Variants in TACR3 observed in about 807,000 individuals in gnomAD.
TACR3 encodes neuromedin-K receptor.
A neutral mutation model predicts 35.0 loss-of-function variants in TACR3; 34 were observed. That is an observed-to-expected ratio of 0.97 (90% CI 0.74 to 1.30). The LOEUF is 1.30. TACR3 is among the 50% of genes most tolerant of loss of function. TACR3 has a pLI of 0.00. For missense variants in TACR3, 558 were observed against 591.7 expected, an observed-to-expected ratio of 0.94 and a Z score of 0.59; for synonymous variants, 233 against 221.1, an observed-to-expected ratio of 1.05 and a Z score of -0.48.
intron 1 of TACR3, among the ~76,000 whole-genome samples, chr4:103,688,679 C>A (rs1337592341): frequency 2.0e-5 from 3 of 151,160 alleles, no homozygotes; most frequent in East Asian, 3.9e-4. Context: ...CAGAGAAATG[C>A]AAATCAAAAC....
At chr4:103,683,277 C>T (rs1031964724) in intron 1 of TACR3, among the ~76,000 whole-genome samples, 10 of 151,364 alleles carry the variant, frequency 6.6e-5, no homozygotes, top group African/African-American at 2.4e-4. Context: ...AATAAGTAAT[C>T]TAAGTTTCCA....
chr4:103,681,849 T>C (rs894292810), intron 1 of TACR3, among the ~76,000 whole-genome samples: 2 of 152,036 alleles, frequency 1.3e-5, no homozygotes, highest in African/African-American at 2.4e-5. Context: ...AGATGACCCA[T>C]ATTCTAGAAT....
intron 1 of TACR3, among the ~76,000 whole-genome samples, chr4:103,690,455 A>G (rs1434664699): frequency 3.9e-5 from 6 of 152,154 alleles, no homozygotes; most frequent in Admixed American, 3.3e-4. Flanking sequence ...ACAAACATAT[A>G]TGCATCTAAC....
At chr4:103,706,870 A>G (rs1471546956) in intron 1 of TACR3, among the ~76,000 whole-genome samples, 1 of 152,252 alleles carries the variant, frequency 6.6e-6, no homozygotes, top group Non-Finnish European at 1.5e-5. Flanking sequence ...TTTGCCATAT[A>G]TTACAACTTT....
chr4:103,634,993 A>T (rs1318282753), intron 3 of TACR3, among the ~76,000 whole-genome samples: 1 of 151,976 alleles, frequency 6.6e-6, no homozygotes, highest in Non-Finnish European at 1.5e-5. Flanking sequence ...TAGAGTTGGG[A>T]ATTTTTTTAA....
At chr4:103,656,054 GA>G (rs1208384084) in intron 3 of TACR3, 139 bp downstream of exon 3, 55 of 1,073,850 alleles carry the variant, frequency 5.1e-5, no homozygotes, top group South Asian at 7.3e-5. Context: ...CAAAAGAAAA[GA>G]AAAAAAATTA....
intron 3 of TACR3, among the ~76,000 whole-genome samples, chr4:103,598,886 A>G (rs1299754151): frequency 1.2e-4 from 18 of 152,104 alleles, no homozygotes; most frequent in African/African-American, 4.1e-4. Context: ...GTCAGGTAGC[A>G]TGATGCCTCC....
Position 103,591,688 on chromosome 4 carries a change from A to C in TACR3, c.889-5T>G. On this transcript the variant is annotated splice_region_variant and splice_polypyrimidine_tract_variant and intron_variant, in intron 3 of 4. Coordinates refer to ENST00000304883, the MANE Select transcript of TACR3 (RefSeq NM_001059.3). ...AATAATCATCATTTTGACAACCTAT[A>C]AAGAAAAAAAGTCATTTTTGACAAA... 6.2e-7 allele frequency: 1 copy of C among 1,607,994 alleles called. No individual in the cohort carries two copies. The highest frequency in any genetic ancestry group is 1.1e-5 in the South Asian group (1 of 90,444).
At chr4:103,600,936 G>T (rs1724183573) in intron 3 of TACR3, among the ~76,000 whole-genome samples, 1 of 152,140 alleles carries the variant, frequency 6.6e-6, no homozygotes, top group Non-Finnish European at 1.5e-5. Flanking sequence ...TGCATATTTT[G>T]TTGATTTGGG....
chr4:103,635,614 T>G (rs1725170732), intron 3 of TACR3, among the ~76,000 whole-genome samples: 1 of 151,974 alleles, frequency 6.6e-6, no homozygotes, highest in African/African-American at 2.4e-5. Context: ...CACTAAGAAT[T>G]TTTTGTGAGC....
intron 1 of TACR3, among the ~76,000 whole-genome samples, chr4:103,693,682 A>T (rs899137973): frequency 1.7e-4 from 26 of 152,106 alleles, no homozygotes; most frequent in African/African-American, 6.3e-4. Context: ...CTTTCATTTA[A>T]TCATAAATAC....
intron 3 of TACR3, among the ~76,000 whole-genome samples, chr4:103,599,405 G>A (rs1244777684): frequency 2.0e-5 from 3 of 152,162 alleles, no homozygotes; most frequent in Non-Finnish European, 2.9e-5. Context: ...TGCAAACAGA[G>A]ACAATTTGAC....
intron 1 of TACR3, among the ~76,000 whole-genome samples, chr4:103,706,785 T>G (rs1722802611): frequency 6.6e-6 from 1 of 152,186 alleles, no homozygotes; most frequent in Admixed American, 6.5e-5. Context: ...AAAAATATGT[T>G]TAAGTATAAG....
chr4:103,624,715 A>G (rs1724853291), intron 3 of TACR3, among the ~76,000 whole-genome samples: 1 of 152,176 alleles, frequency 6.6e-6, no homozygotes, highest in Non-Finnish European at 1.5e-5. Flanking sequence ...TTTGTGTAAC[A>G]TGGTTTGTAA....
At chr4:103,704,829 G>T (rs978632810) in intron 1 of TACR3, among the ~76,000 whole-genome samples, 2 of 152,032 alleles carry the variant, frequency 1.3e-5, no homozygotes, top group Non-Finnish European at 2.9e-5. Context: ...AAATAATTAG[G>T]ACACTATAGC....
chr4:103,666,071 C>T (rs1027767886), intron 1 of TACR3, among the ~76,000 whole-genome samples: 1 of 152,160 alleles, frequency 6.6e-6, no homozygotes, highest in African/African-American at 2.4e-5. Flanking sequence ...CAGTCCCTCA[C>T]TCCCTCATTA....
chr4:103,668,183 G>A (rs971072610), intron 1 of TACR3, among the ~76,000 whole-genome samples: 2 of 152,088 alleles, frequency 1.3e-5, no homozygotes, highest in Admixed American at 1.3e-4. Context: ...TATGTTGTAG[G>A]TCTGGTTCCA....
At chr4:103,633,653 A>C (rs964276755) in intron 3 of TACR3, among the ~76,000 whole-genome samples, 2 of 152,130 alleles carry the variant, frequency 1.3e-5, no homozygotes, top group Non-Finnish European at 2.9e-5. Context: ...CAGTGAGAAC[A>C]TAAAATGTTT....
chr4:103,666,966 T>G (rs1349744591), intron 1 of TACR3, among the ~76,000 whole-genome samples: 1 of 152,062 alleles, frequency 6.6e-6, no homozygotes, highest in Non-Finnish European at 1.5e-5. Flanking sequence ...TATTAAAAAC[T>G]TTGAGTTCAG....
Sources: allele counts gnomAD v4.1 joint callset (sites outside exome capture counted in the v4.1 genomes callset), GRCh38; gene constraint gnomAD v4.1.1; transcripts MANE v1.5; gene names NCBI Gene and HGNC (gene_info 2026-07-23, HGNC 2026-07-21).